FGGY: variants seen among roughly 807,000 people sequenced by gnomAD.
FGGY encodes the protein FGGY carbohydrate kinase domain-containing protein.
In FGGY, 72 loss-of-function variants were observed where a neutral mutation model predicts 71.3. The observed-to-expected ratio is 1.01, with a 90% CI of 0.84 to 1.23. The LOEUF (loss-of-function observed/expected upper bound fraction) is 1.23, where lower values mean the gene tolerates loss of function less well. Ranked by LOEUF, FGGY falls within the 50% of genes most tolerant of loss-of-function variation. The pLI, the probability that FGGY is intolerant of heterozygous loss-of-function variation, is 0.00. For synonymous variants in FGGY, 251 were observed against 250.3 expected, an observed-to-expected ratio of 1.00 and a Z score of -0.02; for missense variants, 668 against 682.3, an observed-to-expected ratio of 0.98 and a Z score of 0.23.
rs187455130 is a variant in FGGY at position 59,355,391 on chromosome 1, A to G, written c.465+8993A>G. Among the ~76,000 whole-genome samples the G allele has an allele frequency of 2.8e-3, 434 of 152,324 alleles. 4 individuals carry two copies. Among genetic ancestry groups the G allele is most frequent in the African/African-American group, 9.5e-3 (396 of 41,572 alleles). ...GGAAAAAAAGACTGGCCATATACAC[A>G]CAAGAAAACATTAATACTGGTACAC... On this transcript the variant is annotated intron_variant, in intron 4 of 15. Transcript: ENST00000303721.
intron 5 of FGGY, among the ~76,000 whole-genome samples, chr1:59,440,650 T>C (rs1040392862): frequency 6.8e-6 from 1 of 147,172 alleles, no homozygotes; most frequent in Non-Finnish European, 1.5e-5. Flanking sequence ...GAATGTACCA[T>C]CCTTGCATCT....
chr1:59,300,255 C>T (rs928048584), intron 1 of FGGY, among the ~76,000 whole-genome samples: 1 of 152,166 alleles, frequency 6.6e-6, no homozygotes, highest in Admixed American at 6.5e-5. Context: ...CCAAAGATTG[C>T]TTGTGCCCTT....
At chr1:59,664,479 T>C (rs1227958761) in intron 12 of FGGY, among the ~76,000 whole-genome samples, 1 of 152,240 alleles carries the variant, frequency 6.6e-6, no homozygotes, top group Non-Finnish European at 1.5e-5. Context: ...ATGTGCTTTG[T>C]TTTATTCTTG....
At chr1:59,535,045 TAAAG>T (rs1458612328) in intron 7 of FGGY, among the ~76,000 whole-genome samples, 2 of 152,040 alleles carry the variant, frequency 1.3e-5, no homozygotes, top group African/African-American at 4.8e-5. Flanking sequence ...GCAAATTGGA[TAAAG>T]AGTCAAGACC....
chr1:59,415,099 G>A (rs979942333), intron 5 of FGGY, among the ~76,000 whole-genome samples: 1 of 152,180 alleles, frequency 6.6e-6, no homozygotes, highest in Non-Finnish European at 1.5e-5. Flanking sequence ...CTCGCTAACG[G>A]AGTTACCCTC....
rs184037201 is a variant in FGGY, at chr1:59,503,132, T to C, written c.671-9179T>C. On this transcript the variant is annotated intron_variant, in intron 6 of 15. Transcript: ENST00000303721. ...TAGTGACTTTGAACAAATTATGTAATCTTTCTGTGCTTGTATTTCTACAAC... is the reference window on the plus strand; with the variant it reads ...TAGTGACTTTGAACAAATTATGTAACCTTTCTGTGCTTGTATTTCTACAAC... Among the ~76,000 whole-genome samples, 149 of 152,310 alleles carry C rather than the reference T, an allele frequency of 9.8e-4. 1 individual carries two copies. Among genetic ancestry groups the C allele is most frequent in the Middle Eastern group, 3.4e-3 (1 of 294 alleles).
chr1:59,644,166 A>G (rs2097065821), intron 11 of FGGY, among the ~76,000 whole-genome samples: 1 of 151,842 alleles, frequency 6.6e-6, no homozygotes, highest in Non-Finnish European at 1.5e-5. Context: ...TTCCCACCCT[A>G]ACTGACTCAG....
At chr1:59,520,854 A>G (rs2094806828) in intron 7 of FGGY, among the ~76,000 whole-genome samples, 4 of 152,120 alleles carry the variant, frequency 2.6e-5, no homozygotes, top group Non-Finnish European at 5.9e-5. Context: ...GGCACTGAGG[A>G]CACTGGGGTC....
intron 7 of FGGY, among the ~76,000 whole-genome samples, chr1:59,513,095 G>A (rs529810412): frequency 3.4e-4 from 52 of 152,212 alleles, no homozygotes; most frequent in Admixed American, 2.9e-3. Context: ...TGCAGGTTGT[G>A]TGTGTTTTTT....
At chr1:59,464,155 A>G (rs2092452294) in intron 6 of FGGY, among the ~76,000 whole-genome samples, 1 of 152,238 alleles carries the variant, frequency 6.6e-6, no homozygotes, top group African/African-American at 2.4e-5. Context: ...CAGAAATCAC[A>G]ACAAACTGTC....
intron 8 of FGGY, among the ~76,000 whole-genome samples, chr1:59,576,820 G>A (rs1216405083): frequency 6.6e-6 from 1 of 151,868 alleles, no homozygotes; most frequent in Non-Finnish European, 1.5e-5. Context: ...CCCATTCCAT[G>A]GCCATGGAGC....
At chr1:59,412,603 C>G (rs1326010081) in intron 5 of FGGY, among the ~76,000 whole-genome samples, 1 of 152,172 alleles carries the variant, frequency 6.6e-6, no homozygotes, top group African/African-American at 2.4e-5. Flanking sequence ...TCTATAATCT[C>G]TTAACTTTCA....
intron 14 of FGGY, among the ~76,000 whole-genome samples, chr1:59,684,577 T>C (rs2097530310): frequency 6.6e-6 from 1 of 152,126 alleles, no homozygotes; most frequent in Non-Finnish European, 1.5e-5. Context: ...CTCAACATAG[T>C]AAATATTAGT....
chr1:59,447,467 AC>A (rs1333289968), intron 5 of FGGY, among the ~76,000 whole-genome samples: 1 of 152,058 alleles, frequency 6.6e-6, no homozygotes, highest in Non-Finnish European at 1.5e-5. Flanking sequence ...AAGATACTCT[AC>A]CCTTACCTGG....
intron 8 of FGGY, among the ~76,000 whole-genome samples, chr1:59,562,434 G>T (rs561158152): frequency 5.9e-5 from 9 of 152,280 alleles, no homozygotes; most frequent in African/African-American, 1.9e-4. Flanking sequence ...CAGCTGATAG[G>T]TAGATTCCCC....
At chr1:59,704,402 A>G (rs115170519) in intron 14 of FGGY, among the ~76,000 whole-genome samples, 215 of 152,326 alleles carry the variant, frequency 1.4e-3, no homozygotes, top group African/African-American at 5.0e-3. Flanking sequence ...AGCAAAAGGC[A>G]CAAACCTCTC....
chr1:59,489,071 G>A (rs2093743592), intron 6 of FGGY, among the ~76,000 whole-genome samples: 1 of 151,966 alleles, frequency 6.6e-6, no homozygotes, highest in South Asian at 2.1e-4. Context: ...AAGAATATTT[G>A]GAGGTTATTT....
intron 7 of FGGY, among the ~76,000 whole-genome samples, chr1:59,530,709 T>C (rs1228026480): frequency 6.6e-6 from 1 of 152,142 alleles, no homozygotes; most frequent in Non-Finnish European, 1.5e-5. Context: ...GGAGGTAGTA[T>C]GCACCAAGAT....
At chr1:59,612,594 G>C (rs868224281) in intron 9 of FGGY, among the ~76,000 whole-genome samples, 2 of 152,094 alleles carry the variant, frequency 1.3e-5, no homozygotes, top group Admixed American at 1.3e-4. Context: ...TCAACTAACA[G>C]GCAAAATAAC....
Sources: allele counts gnomAD v4.1 joint callset (sites outside exome capture counted in the v4.1 genomes callset), GRCh38; gene constraint gnomAD v4.1.1; transcripts MANE v1.5; gene names NCBI Gene and HGNC (gene_info 2026-07-23, HGNC 2026-07-21).